Variants in NLGN1 observed in about 807,000 individuals in gnomAD.
NLGN1 encodes neuroligin-1.
NLGN1 carries 12 observed loss-of-function variants against 65.5 expected under a neutral mutation model. That is an observed-to-expected ratio of 0.18 (90% confidence interval 0.12 to 0.30). The LOEUF is 0.30. Ranked by LOEUF, NLGN1 falls within the 10% of genes least tolerant of loss-of-function variation. The pLI is 1.00. For missense variants in NLGN1, 750 were observed against 1,007.1 expected, an observed-to-expected ratio of 0.74 and a Z score of 3.46; for synonymous variants, 350 against 359.5, an observed-to-expected ratio of 0.97 and a Z score of 0.30.
At chr3:173,788,921 G>A (rs1440374232) in intron 3 of NLGN1, among the ~76,000 whole-genome samples, 1 of 151,096 alleles carries the variant, frequency 6.6e-6, no homozygotes, top group African/African-American at 2.4e-5. Flanking sequence ...ATGTTGGCCG[G>A]GCATGATGGC....
At chr3:174,229,327 T>A (rs1245949177) in intron 4 of NLGN1, among the ~76,000 whole-genome samples, 2 of 152,122 alleles carry the variant, frequency 1.3e-5, no homozygotes, top group African/African-American at 2.4e-5. Flanking sequence ...TTTTAAAATG[T>A]GCAATCTCAG....
At position 173,474,490 on chromosome 3, in the gene NLGN1, A is replaced by C. The variant is rs16826887; in HGVS notation, c.-321+39412A>C. On this transcript the variant is annotated intron_variant, in intron 2 of 6. Transcript: ENST00000457714. ...ATATTCTCATATGCAAATATGCAGC[A>C]CTTAAATGAAATGTTCAAAATTATT... Among the ~76,000 whole-genome samples the C allele has an allele frequency of 4.2e-3, 643 of 152,316 alleles. 13 individuals are homozygous for C. Among genetic ancestry groups the C allele is most frequent in the East Asian group, 0.041 (211 of 5,186 alleles).
At chr3:174,110,848 A>G (rs1715047754) in intron 4 of NLGN1, among the ~76,000 whole-genome samples, 9 of 151,976 alleles carry the variant, frequency 5.9e-5, no homozygotes, top group Admixed American at 5.3e-4. Context: ...TAAAATGTAG[A>G]TGAATTAAAC....
At chr3:173,498,820 T>C (rs1402865988) in intron 2 of NLGN1, among the ~76,000 whole-genome samples, 2 of 151,940 alleles carry the variant, frequency 1.3e-5, no homozygotes, top group African/African-American at 4.9e-5. Context: ...ATGAGCATTT[T>C]TTCATGTGTC....
intron 4 of NLGN1, among the ~76,000 whole-genome samples, chr3:173,884,485 G>A (rs1268392897): frequency 6.6e-6 from 1 of 152,066 alleles, no homozygotes; most frequent in Non-Finnish European, 1.5e-5. Flanking sequence ...AACACTTTCT[G>A]TAGTGTCTGG....
intron 4 of NLGN1, among the ~76,000 whole-genome samples, chr3:173,926,584 T>C (rs573395618): frequency 1.3e-5 from 2 of 152,328 alleles, no homozygotes; most frequent in Admixed American, 6.5e-5. Context: ...CTCTCCACTT[T>C]ACAATGTTCT....
intron 3 of NLGN1, among the ~76,000 whole-genome samples, chr3:173,664,862 T>G (rs1307212029): frequency 6.6e-6 from 1 of 152,156 alleles, no homozygotes; most frequent in Non-Finnish European, 1.5e-5. Context: ...ACATTATTTA[T>G]TATTATTTTA....
chr3:173,487,811 T>A (rs1335228059), intron 2 of NLGN1, among the ~76,000 whole-genome samples: 1 of 152,062 alleles, frequency 6.6e-6, no homozygotes, highest in Non-Finnish European at 1.5e-5. Context: ...TCTTCATTCC[T>A]TTCTTGAAAT....
intron 4 of NLGN1, among the ~76,000 whole-genome samples, chr3:174,265,783 G>GTGTATATA (rs1309437479): frequency 5.4e-5 from 7 of 128,490 alleles, no homozygotes; most frequent in African/African-American, 1.9e-4. Flanking sequence ...ATATATATAT[G>GTGTATATA]TATATATATA....
chr3:173,886,739 G>A (rs746850395), intron 4 of NLGN1, among the ~76,000 whole-genome samples: 2 of 152,008 alleles, frequency 1.3e-5, no homozygotes, highest in Non-Finnish European at 2.9e-5. Context: ...TTTCAACTCA[G>A]GCAATTCCTA....
At chr3:174,272,786 A>C (rs1458200452) in intron 4 of NLGN1, among the ~76,000 whole-genome samples, 1 of 151,706 alleles carries the variant, frequency 6.6e-6, no homozygotes, top group Non-Finnish European at 1.5e-5. Context: ...AGAGAAATTC[A>C]GTGCTGAAGG....
chr3:173,442,151 A>T (rs950823652), intron 2 of NLGN1, among the ~76,000 whole-genome samples: 3 of 152,174 alleles, frequency 2.0e-5, no homozygotes, highest in African/African-American at 7.2e-5. Context: ...TTGGGATCTT[A>T]AATCTGTTAC....
intron 2 of NLGN1, among the ~76,000 whole-genome samples, chr3:173,588,877 A>G (rs1001309827): frequency 2.6e-5 from 4 of 152,148 alleles, no homozygotes; most frequent in Admixed American, 6.6e-5. Context: ...CAGCACTTCA[A>G]TATATGAATG....
chr3:173,608,402 A>G (rs1340945775), intron 3 of NLGN1, among the ~76,000 whole-genome samples: 2 of 151,930 alleles, frequency 1.3e-5, no homozygotes, highest in African/African-American at 2.4e-5. Context: ...ACAAACAGGC[A>G]GATAACATGA....
At chr3:173,702,790 G>T (rs1767438978) in intron 3 of NLGN1, among the ~76,000 whole-genome samples, 1 of 152,046 alleles carries the variant, frequency 6.6e-6, no homozygotes, top group South Asian at 2.1e-4. Context: ...CAGTTAGGAG[G>T]AAAAAAAGAC....
intron 3 of NLGN1, among the ~76,000 whole-genome samples, chr3:173,671,717 G>A (rs1762475193): frequency 6.6e-6 from 1 of 152,104 alleles, no homozygotes; most frequent in South Asian, 2.1e-4. Flanking sequence ...GAAAATGGAG[G>A]CACTGATATT....
At chr3:174,181,322 C>G (rs377383448) in intron 4 of NLGN1, among the ~76,000 whole-genome samples, 19 of 152,082 alleles carry the variant, frequency 1.2e-4, no homozygotes, top group African/African-American at 4.3e-4. Flanking sequence ...ATTTACCTGG[C>G]TATTTATTAG....
At chr3:173,708,633 A>G (rs1285951158) in intron 3 of NLGN1, among the ~76,000 whole-genome samples, 2 of 152,276 alleles carry the variant, frequency 1.3e-5, no homozygotes, top group South Asian at 2.1e-4. Context: ...ACTGCGGGTG[A>G]ACACATCCAC....
At chr3:173,741,296 T>A (rs765208828) in intron 3 of NLGN1, among the ~76,000 whole-genome samples, 6 of 152,038 alleles carry the variant, frequency 3.9e-5, no homozygotes, top group Non-Finnish European at 8.8e-5. Flanking sequence ...AACATATAAT[T>A]TCTAGCCCAG....
Sources: allele counts gnomAD v4.1 joint callset (sites outside exome capture counted in the v4.1 genomes callset), GRCh38; gene constraint gnomAD v4.1.1; transcripts MANE v1.5; gene names NCBI Gene and HGNC (gene_info 2026-07-23, HGNC 2026-07-21).